Variants in NKAIN2 observed in about 807,000 individuals in gnomAD.
The protein encoded by NKAIN2 is sodium/potassium transporting ATPase interacting 2.
NKAIN2 carries 14 observed loss-of-function variants against 32.6 expected under a neutral mutation model. The observed-to-expected ratio is 0.43, with a 90% CI of 0.28 to 0.67. The LOEUF is 0.67. Among genes scored for constraint, NKAIN2 ranks in the 30% least tolerant of loss-of-function variants. The probability of loss-of-function intolerance (pLI) is 0.17; values close to 1 mark genes in which losing one functional copy is unlikely to be tolerated. For synonymous variants in NKAIN2, 80 were observed against 87.2 expected, an observed-to-expected ratio of 0.92 and a Z score of 0.46; for missense variants, 198 against 258.3, an observed-to-expected ratio of 0.77 and a Z score of 1.60.
chr6:124,031,101 A>T (rs1382699805), intron 1 of NKAIN2, among the ~76,000 whole-genome samples: 3 of 152,112 alleles, frequency 2.0e-5, no homozygotes, highest in Non-Finnish European at 1.5e-5. Flanking sequence ...ACAAAGACTG[A>T]TGGGGTATGA....
intron 1 of NKAIN2, among the ~76,000 whole-genome samples, chr6:123,870,387 A>T (rs1772807185): frequency 6.6e-6 from 1 of 152,152 alleles, no homozygotes; most frequent in African/African-American, 2.4e-5. Context: ...ATTTGTTCAA[A>T]GACCTGAAGA....
intron 4 of NKAIN2, among the ~76,000 whole-genome samples, chr6:124,782,194 A>G (rs1020580509): frequency 5.9e-5 from 9 of 152,104 alleles, no homozygotes; most frequent in African/African-American, 1.9e-4. Context: ...TCTTCTCTCT[A>G]GCTGGTTTGT....
intron 1 of NKAIN2, among the ~76,000 whole-genome samples, chr6:124,260,835 T>C (rs1187337667): frequency 6.6e-6 from 1 of 152,244 alleles, no homozygotes; most frequent in Non-Finnish European, 1.5e-5. Flanking sequence ...CATTGAATTC[T>C]AATTCTATAA....
At chr6:124,291,101 G>C (rs559778909) in intron 2 of NKAIN2, among the ~76,000 whole-genome samples, 24 of 152,172 alleles carry the variant, frequency 1.6e-4, no homozygotes, top group African/African-American at 5.5e-4. Flanking sequence ...TCTCATGACA[G>C]AGAATGACTT....
chr6:123,897,112 A>T (rs17536935), intron 1 of NKAIN2, among the ~76,000 whole-genome samples: 3 of 152,142 alleles, frequency 2.0e-5, no homozygotes, highest in Non-Finnish European at 2.9e-5. Context: ...TGTAGTAGCT[A>T]TATCAGTCTG....
intron 1 of NKAIN2, among the ~76,000 whole-genome samples, chr6:124,133,675 T>C (rs1221080608): frequency 1.3e-5 from 2 of 152,076 alleles, no homozygotes; most frequent in Admixed American, 1.3e-4. Context: ...TACAACTCCA[T>C]AGGAGACAGT....
chr6:123,961,939 C>T (rs988790769), intron 1 of NKAIN2, among the ~76,000 whole-genome samples: 3 of 152,030 alleles, frequency 2.0e-5, no homozygotes, highest in African/African-American at 7.2e-5. Context: ...ATTGAAATTA[C>T]TGCTTTAGAG....
At chr6:124,665,022 T>C (rs1300026253) in intron 4 of NKAIN2, among the ~76,000 whole-genome samples, 2 of 152,036 alleles carry the variant, frequency 1.3e-5, no homozygotes, top group Admixed American at 6.6e-5. Context: ...CTTTAACATC[T>C]ATTAGTATTG....
intron 1 of NKAIN2, among the ~76,000 whole-genome samples, chr6:124,076,112 A>G (rs568099385): frequency 6.6e-6 from 1 of 152,344 alleles, no homozygotes; most frequent in East Asian, 1.9e-4. Flanking sequence ...ATTGGCTATC[A>G]GCAAAAATTA....
At chr6:123,842,608 A>G (rs1562213259) in intron 1 of NKAIN2, among the ~76,000 whole-genome samples, 1 of 152,148 alleles carries the variant, frequency 6.6e-6, no homozygotes, top group African/African-American at 2.4e-5. Flanking sequence ...CTTCTTAAGA[A>G]CTTTACAACT....
At chr6:124,135,223 A>T (rs1786686978) in intron 1 of NKAIN2, among the ~76,000 whole-genome samples, 1 of 152,118 alleles carries the variant, frequency 6.6e-6, no homozygotes, top group Admixed American at 6.5e-5. Context: ...AATGAAAAAA[A>T]AAAACTGTTT....
intron 5 of NKAIN2, among the ~76,000 whole-genome samples, chr6:124,814,595 A>G (rs1273911025): frequency 1.3e-5 from 2 of 152,004 alleles, no homozygotes; most frequent in Non-Finnish European, 2.9e-5. Context: ...CTCTCTACCT[A>G]CACAGCATAC....
chr6:124,472,717 A>G (rs1463941945), intron 3 of NKAIN2, among the ~76,000 whole-genome samples: 2 of 59,708 alleles, frequency 3.3e-5, no homozygotes, highest in Non-Finnish European at 7.3e-5. Flanking sequence ...GAGTAGGCAG[A>G]TAAAAAAAAA....
At chr6:124,058,924 T>C (rs1782790852) in intron 1 of NKAIN2, among the ~76,000 whole-genome samples, 1 of 152,036 alleles carries the variant, frequency 6.6e-6, no homozygotes, top group Admixed American at 6.6e-5. Context: ...ACAGGAAAAG[T>C]TTGGCACCCC....
At chr6:124,408,489 C>G (rs1283349456) in intron 3 of NKAIN2, among the ~76,000 whole-genome samples, 1 of 152,126 alleles carries the variant, frequency 6.6e-6, no homozygotes, top group Non-Finnish European at 1.5e-5. Flanking sequence ...TCAGGTTTGT[C>G]AAAGATCAGA....
intron 3 of NKAIN2, among the ~76,000 whole-genome samples, chr6:124,462,781 T>A (rs539318592): frequency 6.6e-6 from 1 of 152,226 alleles, no homozygotes; most frequent in African/African-American, 2.4e-5. Context: ...TACTTCGATG[T>A]ATATCTCTAT....
At chr6:124,665,242 CT>C (rs1772732037) in intron 4 of NKAIN2, among the ~76,000 whole-genome samples, 1 of 152,136 alleles carries the variant, frequency 6.6e-6, no homozygotes, top group African/African-American at 2.4e-5. Context: ...AAGTATCACA[CT>C]TCCTGATTTC....
intron 2 of NKAIN2, among the ~76,000 whole-genome samples, chr6:124,295,028 A>G (rs888141497): frequency 3.9e-5 from 6 of 152,178 alleles, no homozygotes; most frequent in African/African-American, 1.4e-4. Context: ...TTAAAATTTA[A>G]TATGTGTGTA....
chr6:124,679,650 A>G (rs572838083), intron 4 of NKAIN2, among the ~76,000 whole-genome samples: 1 of 152,302 alleles, frequency 6.6e-6, no homozygotes, highest in African/African-American at 2.4e-5. Flanking sequence ...GAGGAAAGAG[A>G]GCCTGAGAAT....
Sources: gnomAD v4.1 joint callset for allele counts (sites outside exome capture counted in the v4.1 genomes callset) on GRCh38, gnomAD v4.1.1 for gene constraint, MANE v1.5 for transcripts, NCBI Gene and HGNC (gene_info 2026-07-23, HGNC 2026-07-21) for gene names.